MECOM: variants seen among roughly 807,000 people sequenced by gnomAD.
MECOM encodes histone-lysine N-methyltransferase MECOM.
MECOM carries 13 observed loss-of-function variants against 116.3 expected under a neutral mutation model. That is an observed-to-expected ratio of 0.11 (90% CI 0.07 to 0.18). The LOEUF (loss-of-function observed/expected upper bound fraction) is 0.18. Among genes scored for constraint, MECOM ranks in the 10% least tolerant of loss-of-function variants. The pLI is 1.00. For synonymous variants in MECOM, 528 were observed against 535.2 expected, an observed-to-expected ratio of 0.99 and a Z score of 0.19; for missense variants, 1,299 against 1,509.0, an observed-to-expected ratio of 0.86 and a Z score of 2.31.
chr3:169,096,706 A>T (rs1190336571), intron 12 of MECOM, among the ~76,000 whole-genome samples: 1 of 152,136 alleles, frequency 6.6e-6, no homozygotes, highest in Non-Finnish European at 1.5e-5. Context: ...AGCAGAAGTC[A>T]CCCCATTCCA....
At chr3:169,263,120 TATA>T (rs1560061096) in intron 2 of MECOM, among the ~76,000 whole-genome samples, 10 of 88,218 alleles carry the variant, frequency 1.1e-4, no homozygotes, top group African/African-American at 4.9e-4. Flanking sequence ...TATATATATA[TATA>T]TATATGTTTT....
intron 3 of MECOM, among the ~76,000 whole-genome samples, chr3:169,132,609 T>C (rs1735104841): frequency 6.6e-6 from 1 of 152,154 alleles, no homozygotes; most frequent in Admixed American, 6.5e-5. Flanking sequence ...TATACCACAG[T>C]ATCTTTGCAA....
rs139098581 is a variant in MECOM at position 169,432,667 on chromosome 3, A to T, written c.38-51143T>A. On this transcript the variant is annotated intron_variant, in intron 1 of 16. Transcript: ENST00000651503. Reference sequence around the variant, plus strand: ...CACAAAAAGCCCTGTTAGGCTATACATCTATTTCATTCTTCTTCTTTACTA... The same window carrying T: ...CACAAAAAGCCCTGTTAGGCTATACTTCTATTTCATTCTTCTTCTTTACTA... Among the ~76,000 whole-genome samples the T allele has an allele frequency of 1.9e-3, 290 of 152,342 alleles. 1 individual carries two copies. Among genetic ancestry groups the T allele is most frequent in the African/African-American group, 6.8e-3 (283 of 41,584 alleles).
At chr3:169,122,064 C>T (rs1288845874) in intron 6 of MECOM, among the ~76,000 whole-genome samples, 1 of 152,256 alleles carries the variant, frequency 6.6e-6, no homozygotes, top group East Asian at 1.9e-4. Context: ...TCCATATCAT[C>T]CCTATGTTGT....
intron 2 of MECOM, among the ~76,000 whole-genome samples, chr3:169,338,555 C>CT (rs1723958508): frequency 1.3e-5 from 2 of 151,306 alleles, no homozygotes; most frequent in Admixed American, 1.3e-4. Context: ...ATAGATAACA[C>CT]TTTTTTCTGA....
At chr3:169,339,801 T>C (rs1724182746) in intron 2 of MECOM, among the ~76,000 whole-genome samples, 1 of 152,202 alleles carries the variant, frequency 6.6e-6, no homozygotes, top group South Asian at 2.1e-4. Context: ...CTCATATAGA[T>C]GGGTTATGTA....
chr3:169,237,870 C>T (rs1284778681), intron 2 of MECOM, among the ~76,000 whole-genome samples: 1 of 152,062 alleles, frequency 6.6e-6, no homozygotes, highest in Admixed American at 6.6e-5. Context: ...TTTTCTTACT[C>T]TTTACTATTA....
At position 169,115,741 on chromosome 3, in the gene MECOM, G is replaced by C. The variant is rs1728964116; in HGVS notation, c.2131C>G (p.Pro711Ala). Residue 711 changes from proline to alanine, a missense_variant, in exon 8 of 17, where the codon CCT becomes GCT. Physicochemically the swap from Pro to Ala is conservative, Grantham distance 27. Coordinates refer to ENST00000651503, the MANE Select transcript of MECOM (RefSeq NM_004991.4). ...GGTAACGATCTCAAGTCTCTATCAG[G>C]AAATGGGTACATTGATTGAGAGAAT... ...PAFSQSMYPF[P>A]DRDLRSLPLK... 6 of 1,614,062 alleles carry C rather than the reference G, an allele frequency of 3.7e-6. No individual in the cohort carries two copies. Among genetic ancestry groups the C allele is most frequent in the Non-Finnish European group, 5.1e-6 (6 of 1,180,038 alleles).
intron 1 of MECOM, among the ~76,000 whole-genome samples, chr3:169,410,617 C>A (rs1374209601): frequency 6.6e-6 from 1 of 152,096 alleles, no homozygotes; most frequent in African/African-American, 2.4e-5. Flanking sequence ...TAGGAAACAT[C>A]ATTTGACATT....
intron 2 of MECOM, among the ~76,000 whole-genome samples, chr3:169,176,230 A>G (rs1462593924): frequency 1.3e-5 from 2 of 152,142 alleles, no homozygotes; most frequent in Non-Finnish European, 2.9e-5. Flanking sequence ...CACAGGTTGG[A>G]CAAGCTAGCT....
At chr3:169,547,402 T>C (rs144218542) in intron 1 of MECOM, among the ~76,000 whole-genome samples, 1 of 152,292 alleles carries the variant, frequency 6.6e-6, no homozygotes, top group East Asian at 1.9e-4. Flanking sequence ...GGTAGTTCTT[T>C]ATAGTAGTGT....
intron 1 of MECOM, among the ~76,000 whole-genome samples, chr3:169,439,218 A>G (rs557978169): frequency 4.7e-5 from 7 of 147,686 alleles, no homozygotes; most frequent in African/African-American, 1.7e-4. Context: ...AACAGACTAC[A>G]TTAAAATAAG....
chr3:169,610,475 T>C (rs113106017), intron 1 of MECOM, among the ~76,000 whole-genome samples: 57 of 151,152 alleles, frequency 3.8e-4, no homozygotes, highest in African/African-American at 1.3e-3. Flanking sequence ...CTCTGTATGG[T>C]AAATGATATA....
At position 169,309,345 on chromosome 3, in the gene MECOM, T is replaced by C. The variant is rs191116276; in HGVS notation, c.375+71842A>G. 1.5e-4 allele frequency among the ~76,000 whole-genome samples: 23 copies of C among 152,350 alleles called. 1 individual carries two copies. The East Asian group carries it at 4.2e-3, about 28-fold the overall frequency. Reference sequence around the variant, plus strand: ...TGTATATTTGCATATTTTTATCTTATAAAAATTATCAGAGAATTGAATAAA... The same window carrying C: ...TGTATATTTGCATATTTTTATCTTACAAAAATTATCAGAGAATTGAATAAA... On this transcript the variant is annotated intron_variant, in intron 2 of 16. Transcript: ENST00000651503.
chr3:169,360,855 A>G lies in MECOM; in HGVS notation c.375+20332T>C, dbSNP rs1728191300. On this transcript the variant is annotated intron_variant, in intron 2 of 16. Transcript: ENST00000651503. ...ATTTGTTATTAGGTTATTCTGAAAG[A>G]TGCCATGTCAGTCCATACTGAAAAA... Among the ~76,000 whole-genome samples, 3 of 151,814 alleles carry G rather than the reference A, an allele frequency of 2.0e-5. No individual in the cohort carries two copies. The South Asian group carries it at 6.2e-4, about 31-fold the overall frequency.
chr3:169,443,042 G>T (rs906764967), intron 1 of MECOM, among the ~76,000 whole-genome samples: 3 of 151,580 alleles, frequency 2.0e-5, no homozygotes, highest in Admixed American at 2.0e-4. Context: ...TTCCACCACA[G>T]CATCAAAAAA....
intron 1 of MECOM, among the ~76,000 whole-genome samples, chr3:169,607,486 T>C (rs1768738639): frequency 1.3e-5 from 2 of 152,222 alleles, no homozygotes; most frequent in African/African-American, 4.8e-5. Context: ...CTACAAAAGA[T>C]ACTTGAAAAA....
At position 169,116,305 on chromosome 3, in the gene MECOM, T is replaced by C; in HGVS notation, c.1567A>G (p.Lys523Glu). The C allele has an allele frequency of 6.2e-7, 1 of 1,614,204 alleles. No individual in the cohort carries two copies. Among genetic ancestry groups the C allele is most frequent in the Non-Finnish European group, 8.5e-7 (1 of 1,180,024 alleles). The change falls in exon 8 of 17, where the codon AAA becomes GAA. Residue 523 changes from lysine to glutamate, a missense_variant. Physicochemically the swap from Lys to Glu is moderately conservative, Grantham distance 56. Around this residue, in one of 6 missense-constraint regions of MECOM, gnomAD observed 238 missense variants for 273.1 expected, o/e 0.87. Transcript: ENST00000651503. ...KGLSSTEQTN[K>E]SQSPLMTHPQ... ...TGTGTCATGAGGGGACTTTGACTTT[T>C]GTTTGTCTGTTCAGTACTTGATAGT...
intron 2 of MECOM, among the ~76,000 whole-genome samples, chr3:169,216,791 A>G (rs1751476313): frequency 6.6e-6 from 1 of 152,202 alleles, no homozygotes; most frequent in South Asian, 2.1e-4. Context: ...ATATACAGAT[A>G]TGCATAGCAA....
Sources: allele counts gnomAD v4.1 joint callset (sites outside exome capture counted in the v4.1 genomes callset), GRCh38; gene constraint gnomAD v4.1.1; regional missense constraint gnomAD v4.1.1; transcripts MANE v1.5; gene names NCBI Gene and HGNC (gene_info 2026-07-23, HGNC 2026-07-21).